Variants in SGCZ observed in about 807,000 individuals in gnomAD.
SGCZ encodes the protein zeta-sarcoglycan.
SGCZ carries 40 observed loss-of-function variants against 41.3 expected under a neutral mutation model. The ratio of observed to expected loss-of-function variants is 0.97; its 90% CI spans 0.75 to 1.26. SGCZ has a LOEUF of 1.26. Among genes scored for constraint, SGCZ ranks in the 50% most tolerant of loss-of-function variants. SGCZ has a pLI of 0.00. For synonymous variants in SGCZ, 206 were observed against 137.5 expected (o/e 1.50, Z -3.49); for missense variants, 552 against 369.8 (o/e 1.49, Z -4.04).
At chr8:15,022,501 G>T (rs551573101) in intron 1 of SGCZ, among the ~76,000 whole-genome samples, 1 of 151,896 alleles carries the variant, frequency 6.6e-6, no homozygotes, top group Non-Finnish European at 1.5e-5. Context: ...GAGCCACCGC[G>T]CCCAGCTAAT....
At chr8:14,486,103 T>G (rs915667832) in intron 2 of SGCZ, among the ~76,000 whole-genome samples, 2 of 152,200 alleles carry the variant, frequency 1.3e-5, no homozygotes, top group Admixed American at 1.3e-4. Context: ...TTTCAAAAAA[T>G]ATGTAACTAT....
chr8:14,222,003 G>C (rs572331210), intron 4 of SGCZ, among the ~76,000 whole-genome samples: 1 of 152,014 alleles, frequency 6.6e-6, no homozygotes, highest in East Asian at 1.9e-4. Context: ...AAACCCAGGA[G>C]AGATTGGAAT....
At chr8:14,211,253 G>A (rs1424731829) in intron 4 of SGCZ, among the ~76,000 whole-genome samples, 3 of 152,088 alleles carry the variant, frequency 2.0e-5, no homozygotes, top group South Asian at 2.1e-4. Context: ...CTCCTGGGCT[G>A]TGCAGTCATC....
At chr8:14,980,052 C>A (rs996161687) in intron 1 of SGCZ, among the ~76,000 whole-genome samples, 1 of 152,002 alleles carries the variant, frequency 6.6e-6, no homozygotes. Flanking sequence ...ATGCAGATAC[C>A]AAAATTTTGA....
At chr8:14,107,867 T>A (rs1802253913) in intron 6 of SGCZ, among the ~76,000 whole-genome samples, 1 of 152,064 alleles carries the variant, frequency 6.6e-6, no homozygotes, top group South Asian at 2.1e-4. Flanking sequence ...GGTCTTGAAC[T>A]TCTGATCTCA....
intron 5 of SGCZ, among the ~76,000 whole-genome samples, chr8:14,148,691 C>G (rs1014688777): frequency 6.6e-5 from 10 of 152,018 alleles, no homozygotes; most frequent in African/African-American, 2.4e-4. Context: ...TCATTCTATA[C>G]AATCAGTATT....
At chr8:14,803,253 G>A (rs930582657) in intron 1 of SGCZ, among the ~76,000 whole-genome samples, 3 of 152,034 alleles carry the variant, frequency 2.0e-5, no homozygotes, top group Admixed American at 6.5e-5. Flanking sequence ...AACAGCTCCT[G>A]TCTACAGCTC....
chr8:14,429,053 G>A (rs532568696), intron 2 of SGCZ, among the ~76,000 whole-genome samples: 208 of 152,244 alleles, frequency 1.4e-3, no homozygotes, highest in African/African-American at 4.8e-3. Context: ...AACCTAGCAC[G>A]TTATACAAAC....
intron 1 of SGCZ, among the ~76,000 whole-genome samples, chr8:15,217,277 C>T (rs966193031): frequency 2.6e-5 from 4 of 151,634 alleles, no homozygotes; most frequent in Admixed American, 6.6e-5. Context: ...ATTAGCCGGG[C>T]GTGTTGGCGG....
chr8:15,003,406 C>T (rs1042704752), intron 1 of SGCZ, among the ~76,000 whole-genome samples: 13 of 152,034 alleles, frequency 8.6e-5, no homozygotes, highest in Non-Finnish European at 1.5e-4. Flanking sequence ...CTTTCACCTC[C>T]GGAATTGGCA....
intron 1 of SGCZ, among the ~76,000 whole-genome samples, chr8:14,973,862 T>C (rs1801379373): frequency 1.3e-5 from 2 of 152,184 alleles, no homozygotes. Flanking sequence ...TTGAACCCAG[T>C]GCATATATGA....
At chr8:14,416,803 T>C (rs760127312) in intron 2 of SGCZ, among the ~76,000 whole-genome samples, 7 of 151,828 alleles carry the variant, frequency 4.6e-5, no homozygotes, top group Non-Finnish European at 1.0e-4. Context: ...TTCCTGTAAA[T>C]TGGAGAGAGC....
At chr8:14,466,907 G>C (rs1329770962) in intron 2 of SGCZ, among the ~76,000 whole-genome samples, 1 of 151,636 alleles carries the variant, frequency 6.6e-6, no homozygotes. Flanking sequence ...TTGAAGACCA[G>C]TGTATTAAAA....
intron 1 of SGCZ, among the ~76,000 whole-genome samples, chr8:14,664,694 T>C (rs1275681125): frequency 6.6e-6 from 1 of 152,228 alleles, no homozygotes; most frequent in African/African-American, 2.4e-5. Context: ...ACTTAGTGTA[T>C]GCTATATGAT....
chr8:14,509,380 A>C (rs1802403491), intron 2 of SGCZ, among the ~76,000 whole-genome samples: 1 of 152,192 alleles, frequency 6.6e-6, no homozygotes, highest in African/African-American at 2.4e-5. Flanking sequence ...AAGTGAGTTA[A>C]AATGACAGAA....
intron 1 of SGCZ, among the ~76,000 whole-genome samples, chr8:14,599,974 A>G (rs1196844886): frequency 6.6e-6 from 1 of 152,204 alleles, no homozygotes; most frequent in Non-Finnish European, 1.5e-5. Flanking sequence ...TCAAATAATT[A>G]TTTTTGTAGC....
At chr8:14,467,376 T>A (rs1010673114) in intron 2 of SGCZ, among the ~76,000 whole-genome samples, 1 of 151,956 alleles carries the variant, frequency 6.6e-6, no homozygotes, top group Admixed American at 6.6e-5. Context: ...ATGGCCATTG[T>A]CTCTTTATCT....
intron 1 of SGCZ, among the ~76,000 whole-genome samples, chr8:15,112,172 C>G (rs1274801684): frequency 6.6e-6 from 1 of 152,228 alleles, no homozygotes; most frequent in Non-Finnish European, 1.5e-5. Context: ...TTGACTCTTT[C>G]ACCGCGAGAA....
In SGCZ at chr8:15,093,135, T is replaced by A. The variant is rs142109586; in HGVS notation, c.39+144450A>T. On this transcript the variant is annotated intron_variant, in intron 1 of 7. Coordinates refer to ENST00000382080, the MANE Select transcript of SGCZ (RefSeq NM_139167.4). ...CTGCAGCCATAATAAAAAAAATCAA[T>A]GAAATCACTTCTCTGTGACTTGAAA... Among the ~76,000 whole-genome samples the A allele has an allele frequency of 3.2e-4, 49 of 152,268 alleles. 1 individual carries two copies. The East Asian group carries it at 9.1e-3, about 28-fold the overall frequency.
Sources: allele counts gnomAD v4.1 joint callset (sites outside exome capture counted in the v4.1 genomes callset), GRCh38; gene constraint gnomAD v4.1.1; transcripts MANE v1.5; gene names NCBI Gene and HGNC (gene_info 2026-07-23, HGNC 2026-07-21).